Variants in ARHGAP42 observed in about 807,000 individuals in gnomAD.
ARHGAP42 encodes rho GTPase-activating protein 42.
ARHGAP42 carries 63 observed loss-of-function variants against 125.0 expected under a neutral mutation model. That is an observed-to-expected ratio of 0.50 (90% CI 0.41 to 0.62). The LOEUF (loss-of-function observed/expected upper bound fraction) is 0.62, where lower values mean the gene tolerates loss of function less well. ARHGAP42 is among the 20% of genes least tolerant of loss of function. The pLI is 0.00. For missense variants in ARHGAP42, 766 were observed against 1,024.2 expected (o/e 0.75, Z 3.44); for synonymous variants, 339 against 351.0 (o/e 0.97, Z 0.38).
intron 2 of ARHGAP42, among the ~76,000 whole-genome samples, chr11:100,786,903 A>G (rs1191975490): frequency 6.6e-6 from 1 of 152,076 alleles, no homozygotes; most frequent in Non-Finnish European, 1.5e-5. Flanking sequence ...GTGTCAAGAA[A>G]GGTGATTGGA....
rs749243358 is a variant in ARHGAP42 at position 100,992,405 on chromosome 11, C to T, written c.*3604C>T. The T allele has an allele frequency of 1.1e-5, 17 of 1,613,936 alleles. No individual in the cohort carries two copies. The highest frequency in any genetic ancestry group is 1.6e-4 in the Middle Eastern group (1 of 6,084). The stretch of plus-strand genomic sequence containing the variant: ...TGACTATTGTCCAGAAGTTACTTTC[C>T]CCTTGACTAAAGGTTTCCCCTTAGG... On this transcript the variant is annotated 3_prime_UTR_variant, in exon 24 of 24. Coordinates refer to ENST00000298815, the MANE Select transcript of ARHGAP42 (RefSeq NM_152432.4).
chr11:100,988,548 A>T (rs1858748061), intron 23 of ARHGAP42, among the ~76,000 whole-genome samples, 165 bp from the exon 24 acceptor site: 1 of 152,200 alleles, frequency 6.6e-6, no homozygotes, highest in Admixed American at 6.5e-5. Flanking sequence ...ATTTTATATC[A>T]GGGACATGAG....
chr11:100,873,753 T>A (rs891026528), intron 4 of ARHGAP42, among the ~76,000 whole-genome samples: 2 of 152,216 alleles, frequency 1.3e-5, no homozygotes, highest in Admixed American at 6.5e-5. Context: ...TTTTTACTAA[T>A]GAGTAAACTG....
chr11:100,900,655 A>G (rs963065099), intron 4 of ARHGAP42, among the ~76,000 whole-genome samples: 1 of 152,000 alleles, frequency 6.6e-6, no homozygotes, highest in Non-Finnish European at 1.5e-5. Context: ...TATTTCATTA[A>G]TTTGATCTTC....
At chr11:100,867,735 G>A (rs1269902653) in intron 4 of ARHGAP42, among the ~76,000 whole-genome samples, 1 of 152,166 alleles carries the variant, frequency 6.6e-6, no homozygotes, top group Non-Finnish European at 1.5e-5. Flanking sequence ...TGGTTGACTG[G>A]CACAAGAGGA....
chr11:100,763,128 G>T (rs567470887), intron 1 of ARHGAP42, among the ~76,000 whole-genome samples: 1 of 151,072 alleles, frequency 6.6e-6, no homozygotes, highest in Non-Finnish European at 1.5e-5. Context: ...ACAGGCATGC[G>T]CTACCATGCC....
chr11:100,948,663 G>A (rs1487958656), intron 11 of ARHGAP42, 128 bp downstream of exon 11: 16 of 640,610 alleles, frequency 2.5e-5, no homozygotes. Context: ...AGGAAATCAG[G>A]GGAGTAGAGA....
chr11:100,857,478 C>T (rs780501342), intron 3 of ARHGAP42, among the ~76,000 whole-genome samples: 1 of 152,128 alleles, frequency 6.6e-6, no homozygotes, highest in Non-Finnish European at 1.5e-5. Flanking sequence ...TACTCCCTTT[C>T]ACAATCCTTT....
chr11:100,882,546 TTGGTC>T, intron 4 of ARHGAP42, among the ~76,000 whole-genome samples: 1 of 152,042 alleles, frequency 6.6e-6, no homozygotes, highest in African/African-American at 2.4e-5. Context: ...TTCAGGGATA[TTGGTC>T]TGTAGTTTTC....
chr11:100,736,833 G>A (rs1862078806), intron 1 of ARHGAP42, among the ~76,000 whole-genome samples: 2 of 152,312 alleles, frequency 1.3e-5, no homozygotes, highest in South Asian at 4.1e-4. Context: ...AAAAAGGACA[G>A]GAGAAGCACA....
At chr11:100,894,773 T>C (rs1866304759) in intron 4 of ARHGAP42, among the ~76,000 whole-genome samples, 1 of 152,220 alleles carries the variant, frequency 6.6e-6, no homozygotes, top group Non-Finnish European at 1.5e-5. Context: ...TGTTGAAATC[T>C]ACAACCCCAA....
chr11:100,986,253 C>T (rs1307988535), intron 22 of ARHGAP42: 1 of 353,064 alleles, frequency 2.8e-6, no homozygotes, highest in East Asian at 8.0e-5. Flanking sequence ...GAAGGCCTGA[C>T]CTTCAGCAAA....
At chr11:100,916,984 C>G (rs1313473231) in intron 5 of ARHGAP42, among the ~76,000 whole-genome samples, 1 of 150,380 alleles carries the variant, frequency 6.6e-6, no homozygotes, top group Non-Finnish European at 1.5e-5. Context: ...CCAGAATATA[C>G]AGTATTATAC....
chr11:100,687,349 T>C lies in ARHGAP42; in HGVS notation c.-330T>C, dbSNP rs1861098832. Among the ~76,000 whole-genome samples the C allele has an allele frequency of 6.6e-6, 1 of 151,748 alleles. No homozygotes were observed. Among genetic ancestry groups the C allele is most frequent in the Non-Finnish European group, 1.5e-5 (1 of 67,882 alleles). ...AACTGCCGGAAGTGTCTGCGCGCCGTGAGAGAAACTTTCCTGCTCCGGCCG... is the reference window on the plus strand; with the variant it reads ...AACTGCCGGAAGTGTCTGCGCGCCGCGAGAGAAACTTTCCTGCTCCGGCCG... On this transcript the variant is annotated 5_prime_UTR_variant, in exon 1 of 24. Transcript: ENST00000298815.
chr11:100,879,318 T>C (rs758724423), intron 4 of ARHGAP42, among the ~76,000 whole-genome samples: 1 of 152,182 alleles, frequency 6.6e-6, no homozygotes, highest in Non-Finnish European at 1.5e-5. Flanking sequence ...TTTGAAGTAC[T>C]GAGTGACTAG....
intron 8 of ARHGAP42, 43 bp downstream of exon 8, chr11:100,936,375 C>T (rs540097593): frequency 3.2e-6 from 5 of 1,549,638 alleles, no homozygotes; most frequent in East Asian, 4.9e-5. Flanking sequence ...ATGACTTAGC[C>T]ACGATCATGA....
At chr11:100,838,368 T>C (rs1202664012) in intron 3 of ARHGAP42, among the ~76,000 whole-genome samples, 1 of 152,120 alleles carries the variant, frequency 6.6e-6, no homozygotes, top group Non-Finnish European at 1.5e-5. Flanking sequence ...AGACATTCCT[T>C]TTTTCAAACT....
intron 1 of ARHGAP42, among the ~76,000 whole-genome samples, chr11:100,725,451 G>C (rs1375181692): frequency 6.6e-6 from 1 of 151,600 alleles, no homozygotes; most frequent in Admixed American, 6.6e-5. Flanking sequence ...TTACAGGCGT[G>C]AGCCACCGCG....
intron 1 of ARHGAP42, among the ~76,000 whole-genome samples, chr11:100,701,252 G>C (rs973991492): frequency 2.0e-5 from 3 of 151,998 alleles, no homozygotes; most frequent in African/African-American, 7.3e-5. Context: ...TAGTGCACAG[G>C]AAGAGTGGAT....
Sources: gnomAD v4.1 joint callset for allele counts (sites outside exome capture counted in the v4.1 genomes callset) on GRCh38, gnomAD v4.1.1 for gene constraint, MANE v1.5 for transcripts, NCBI Gene and HGNC (gene_info 2026-07-23, HGNC 2026-07-21) for gene names.